Variants in COL23A1 observed in about 807,000 individuals in gnomAD.
COL23A1 encodes collagen alpha-1(XXIII) chain.
In COL23A1, 97 loss-of-function variants were observed where a neutral mutation model predicts 99.3. The observed-to-expected ratio is 0.98, with a 90% CI of 0.83 to 1.16. The LOEUF is 1.16. Ranked by LOEUF, COL23A1 falls within the 50% of genes most tolerant of loss-of-function variation. The pLI is 0.00. For synonymous variants in COL23A1, 320 were observed against 308.2 expected (o/e 1.04, Z -0.40); for missense variants, 762 against 757.4 (o/e 1.01, Z -0.07).
At chr5:178,257,036 T>A in intron 13 of COL23A1, 108 bp from the exon 14 acceptor site, 1 of 952,122 alleles carries the variant, frequency 1.1e-6, no homozygotes, top group Non-Finnish European at 1.6e-6. Flanking sequence ...TTAGGCCTCC[T>A]GGCAAATTGT....
At chr5:178,432,726 T>G (rs1332000349) in intron 2 of COL23A1, among the ~76,000 whole-genome samples, 1 of 151,366 alleles carries the variant, frequency 6.6e-6, no homozygotes, top group African/African-American at 2.4e-5. Context: ...CCTAAGCCAA[T>G]GTTCTGGGGC....
chr5:178,449,860 C>T (rs1263802590), intron 2 of COL23A1, among the ~76,000 whole-genome samples: 1 of 152,136 alleles, frequency 6.6e-6, no homozygotes, highest in Non-Finnish European at 1.5e-5. Flanking sequence ...AACTGGACTT[C>T]ACGCGTTGTG....
rs1489909735 is a variant in COL23A1 at position 178,434,997 on chromosome 5, C to A, written c.361+125685G>T. ...AGGGAGGGGGTCGGCACCCGTCCAG[C>A]ACCGCTCGCTCGATTTCCAGCCAGC... On this transcript the variant is annotated intron_variant, in intron 2 of 28. Coordinates refer to ENST00000390654, the MANE Select transcript of COL23A1 (RefSeq NM_173465.4). This position sits in a 1 kb window ranked among gnomAD's most constrained non-coding sequence, Gnocchi z 4.3. 6.6e-6 allele frequency among the ~76,000 whole-genome samples: 1 copy of A among 152,184 alleles called. No homozygotes were observed. Among genetic ancestry groups the A allele is most frequent in the Non-Finnish European group, 1.5e-5 (1 of 68,032 alleles).
intron 2 of COL23A1, among the ~76,000 whole-genome samples, chr5:178,556,088 A>C (rs1365181792): frequency 1.3e-5 from 2 of 152,218 alleles, no homozygotes; most frequent in African/African-American, 2.4e-5. Context: ...ACAGGGTCGG[A>C]AATGACCCAA....
At chr5:178,362,813 G>A (rs990580120) in intron 2 of COL23A1, among the ~76,000 whole-genome samples, 1 of 152,070 alleles carries the variant, frequency 6.6e-6, no homozygotes, top group Non-Finnish European at 1.5e-5. Context: ...GAGGCTGCCC[G>A]ATGGCACAGC....
At chr5:178,471,820 C>A (rs1581453166) in intron 2 of COL23A1, among the ~76,000 whole-genome samples, 1 of 152,142 alleles carries the variant, frequency 6.6e-6, no homozygotes, top group Non-Finnish European at 1.5e-5. Flanking sequence ...CCAATCCGAA[C>A]CCTGCTCAGC....
At chr5:178,319,427 C>T (rs916677005) in intron 2 of COL23A1, among the ~76,000 whole-genome samples, 1 of 151,958 alleles carries the variant, frequency 6.6e-6, no homozygotes, top group Non-Finnish European at 1.5e-5. Flanking sequence ...AAAGGTCATT[C>T]GTGTGAGCTT....
intron 2 of COL23A1, among the ~76,000 whole-genome samples, chr5:178,312,795 C>G (rs1259301954): frequency 1.3e-5 from 2 of 150,138 alleles, no homozygotes; most frequent in Non-Finnish European, 2.9e-5. Context: ...CAGCCAGCCC[C>G]TGAGGACAGG....
chr5:178,401,770 C>G (rs1312151297), intron 2 of COL23A1, among the ~76,000 whole-genome samples: 2 of 152,206 alleles, frequency 1.3e-5, no homozygotes, highest in African/African-American at 4.8e-5. Context: ...TATGAGAGCT[C>G]TGGTTGCTCT....
At chr5:178,362,771 C>T (rs1348980103) in intron 2 of COL23A1, among the ~76,000 whole-genome samples, 3 of 152,140 alleles carry the variant, frequency 2.0e-5, no homozygotes, top group South Asian at 2.1e-4. Context: ...AAGGTGAAGC[C>T]GGCACAGAGG....
intron 2 of COL23A1, among the ~76,000 whole-genome samples, chr5:178,469,651 C>T (rs67085711): frequency 0.14 from 21,294 of 151,968 alleles, 3,491 homozygotes; most frequent in East Asian, 0.51. Context: ...AACCACATTT[C>T]TGATGGAGCC....
chr5:178,288,437 C>T (rs1757274300), intron 4 of COL23A1, 87 bp from the exon 5 acceptor site: 21 of 1,139,064 alleles, frequency 1.8e-5, no homozygotes, highest in Non-Finnish European at 2.7e-5. Context: ...CCCAGACCCA[C>T]ACCCGCCCCC....
chr5:178,437,953 G>GT (rs1433007240), intron 2 of COL23A1, among the ~76,000 whole-genome samples: 1 of 152,194 alleles, frequency 6.6e-6, no homozygotes, highest in African/African-American at 2.4e-5. Context: ...GGGCTCAGAG[G>GT]CCCCTGACCA....
rs545261109 is a variant in COL23A1 at position 178,374,743 on chromosome 5, C to T, written c.362-67824G>A. Among the ~76,000 whole-genome samples the T allele has an allele frequency of 9.2e-5, 14 of 152,274 alleles. No individual in the cohort carries two copies. The South Asian group carries it at 1.0e-3, about 11-fold the overall frequency. On this transcript the variant is annotated intron_variant, in intron 2 of 28. Transcript: ENST00000390654. ...TAACAGGTGTTGGTGCAACGTGGCA[C>T]GACTGGAACCCTCATACATGGCTGG...
intron 18 of COL23A1, among the ~76,000 whole-genome samples, chr5:178,249,723 C>A (rs1764926152): frequency 1.5e-5 from 1 of 67,318 alleles, no homozygotes; most frequent in East Asian, 3.2e-4. Context: ...CACACTCTCT[C>A]TCTCTCTCTC....
chr5:178,422,331 T>C (rs560254239), intron 2 of COL23A1, among the ~76,000 whole-genome samples: 4 of 152,148 alleles, frequency 2.6e-5, no homozygotes, highest in Non-Finnish European at 5.9e-5. Context: ...CAGCTGCATT[T>C]TCCCAAAAGC....
intron 2 of COL23A1, among the ~76,000 whole-genome samples, chr5:178,474,446 A>C (rs1263670843): frequency 6.6e-6 from 1 of 152,200 alleles, no homozygotes; most frequent in Non-Finnish European, 1.5e-5. Context: ...TAATTAACTT[A>C]CTGGATTTCA....
chr5:178,430,932 C>T (rs933724816), intron 2 of COL23A1, among the ~76,000 whole-genome samples: 1 of 152,040 alleles, frequency 6.6e-6, no homozygotes, highest in Non-Finnish European at 1.5e-5. Flanking sequence ...TGAGTTCATA[C>T]AGACGTAAAG....
At chr5:178,398,591 C>A (rs746347789) in intron 2 of COL23A1, among the ~76,000 whole-genome samples, 1 of 152,214 alleles carries the variant, frequency 6.6e-6, no homozygotes, top group East Asian at 1.9e-4. Context: ...TGAGCCACTG[C>A]ACTCCAGCCT....
Sources: allele counts gnomAD v4.1 joint callset (sites outside exome capture counted in the v4.1 genomes callset), GRCh38; gene constraint gnomAD v4.1.1; non-coding constraint Gnocchi (gnomAD v3.1); transcripts MANE v1.5; gene names NCBI Gene and HGNC (gene_info 2026-07-23, HGNC 2026-07-21).